The following AUTS2 variants were observed in gnomAD, a reference collection of about 807,000 sequenced individuals.
AUTS2 encodes the protein activator of transcription and developmental regulator AUTS2, also known as autism susceptibility gene 2 protein.
Under a neutral mutation model 112.4 loss-of-function variants are expected in AUTS2, and 17 were observed. That is an observed-to-expected ratio of 0.15 (90% CI 0.10 to 0.23). The LOEUF (loss-of-function observed/expected upper bound fraction) is 0.23, where lower values mean the gene tolerates loss of function less well. AUTS2 is among the 10% of genes least tolerant of loss of function. The probability of loss-of-function intolerance (pLI) is 1.00; values close to 1 mark genes in which losing one functional copy is unlikely to be tolerated. For missense variants in AUTS2, 1,510 were observed against 1,701.6 expected, an observed-to-expected ratio of 0.89 and a Z score of 1.98; for synonymous variants, 751 against 702.7, an observed-to-expected ratio of 1.07 and a Z score of -1.09.
chr7:69,652,546 A>G (rs1424747981), intron 1 of AUTS2, among the ~76,000 whole-genome samples: 1 of 151,398 alleles, frequency 6.6e-6, no homozygotes, highest in Non-Finnish European at 1.5e-5. Flanking sequence ...TTGAGTGTTT[A>G]TAGTTTTATT....
chr7:70,087,781 A>G (rs1334478446), intron 2 of AUTS2, among the ~76,000 whole-genome samples: 1 of 152,132 alleles, frequency 6.6e-6, no homozygotes, highest in African/African-American at 2.4e-5. Context: ...CAGTTTGTAT[A>G]GAATTTATAT....
intron 6 of AUTS2, among the ~76,000 whole-genome samples, chr7:70,727,116 T>C (rs924570290): frequency 6.6e-6 from 1 of 152,136 alleles, no homozygotes; most frequent in African/African-American, 2.4e-5. Context: ...ACCTCTGCAG[T>C]GTCTAAGGGG....
intron 4 of AUTS2, among the ~76,000 whole-genome samples, chr7:70,279,669 C>A (rs1376288420): frequency 6.6e-6 from 1 of 152,210 alleles, no homozygotes; most frequent in Non-Finnish European, 1.5e-5. Context: ...AATTACGGAA[C>A]TACTACATTT....
chr7:69,692,749 C>T (rs1006489485), intron 1 of AUTS2, among the ~76,000 whole-genome samples: 4 of 152,102 alleles, frequency 2.6e-5, no homozygotes, highest in Admixed American at 6.5e-5. Context: ...CTCTTTTGGC[C>T]CACGTCTTCT....
chr7:70,170,333 G>T (rs1251008686), intron 4 of AUTS2, among the ~76,000 whole-genome samples: 2 of 151,698 alleles, frequency 1.3e-5, no homozygotes, highest in Admixed American at 6.6e-5. Flanking sequence ...TTGTATTTTT[G>T]TAGTGTTGGG....
intron 1 of AUTS2, among the ~76,000 whole-genome samples, chr7:69,833,453 T>C (rs1791587441): frequency 6.6e-6 from 1 of 152,204 alleles, no homozygotes; most frequent in East Asian, 1.9e-4. Flanking sequence ...TTTTTTCTTT[T>C]GAGATGGAGT....
intron 4 of AUTS2, among the ~76,000 whole-genome samples, chr7:70,147,744 C>T (rs1807206621): frequency 6.6e-6 from 1 of 152,110 alleles, no homozygotes; most frequent in Admixed American, 6.6e-5. Flanking sequence ...TCTCCTATTG[C>T]ACTTTTAAAA....
chr7:69,803,995 G>A (rs534759155), intron 1 of AUTS2, among the ~76,000 whole-genome samples: 7 of 152,328 alleles, frequency 4.6e-5, no homozygotes, highest in African/African-American at 1.7e-4. Context: ...TTGCACCACA[G>A]CACTCTAGCC....
chr7:70,480,899 A>T (rs1320576503), intron 5 of AUTS2, among the ~76,000 whole-genome samples: 1 of 152,212 alleles, frequency 6.6e-6, no homozygotes, highest in Non-Finnish European at 1.5e-5. Context: ...TGAGTTACTC[A>T]GCTGGGGCAG....
chr7:70,044,939 T>C (rs532979375), intron 2 of AUTS2, among the ~76,000 whole-genome samples: 1 of 152,266 alleles, frequency 6.6e-6, no homozygotes, highest in Non-Finnish European at 1.5e-5. Flanking sequence ...CATGTTTTTT[T>C]TTTTTTTAAC....
chr7:70,040,688 GACA>G (rs370761822), intron 2 of AUTS2, among the ~76,000 whole-genome samples: 29 of 152,258 alleles, frequency 1.9e-4, no homozygotes, highest in African/African-American at 6.3e-4. Context: ...AAAGACTTAG[GACA>G]ACAACATGGC....
At chr7:69,835,586 T>C (rs1292652403) in intron 1 of AUTS2, among the ~76,000 whole-genome samples, 1 of 152,170 alleles carries the variant, frequency 6.6e-6, no homozygotes, top group Non-Finnish European at 1.5e-5. Flanking sequence ...ATAATAGATA[T>C]TGCAGGCCTT....
At chr7:70,206,341 T>C (rs749117780) in intron 4 of AUTS2, among the ~76,000 whole-genome samples, 9 of 152,062 alleles carry the variant, frequency 5.9e-5, no homozygotes, top group African/African-American at 1.9e-4. Flanking sequence ...CGTGGAGACA[T>C]GGAGAGACAG....
chr7:70,744,062 T>C (rs554213318), intron 6 of AUTS2, among the ~76,000 whole-genome samples: 34 of 152,030 alleles, frequency 2.2e-4, no homozygotes, highest in Admixed American at 7.9e-4. Context: ...CAAAAACATT[T>C]TCATATTGTT....
At chr7:70,226,208 G>A (rs1441647462) in intron 4 of AUTS2, among the ~76,000 whole-genome samples, 1 of 151,822 alleles carries the variant, frequency 6.6e-6, no homozygotes, top group African/African-American at 2.4e-5. Context: ...GTTTTTTTGA[G>A]AGGGAGTCTC....
At chr7:70,611,311 C>G (rs1237547752) in intron 5 of AUTS2, among the ~76,000 whole-genome samples, 2 of 152,142 alleles carry the variant, frequency 1.3e-5, no homozygotes, top group African/African-American at 4.8e-5. Context: ...AAGGGCATGC[C>G]CCCTTCACCC....
At chr7:70,074,236 A>G (rs1449205310) in intron 2 of AUTS2, among the ~76,000 whole-genome samples, 1 of 152,206 alleles carries the variant, frequency 6.6e-6, no homozygotes, top group African/African-American at 2.4e-5. Flanking sequence ...GAAAGAAGTA[A>G]CGGGTGGTGG....
chr7:69,998,340 C>T (rs1799038762), intron 2 of AUTS2, among the ~76,000 whole-genome samples: 1 of 151,990 alleles, frequency 6.6e-6, no homozygotes, highest in Non-Finnish European at 1.5e-5. Flanking sequence ...TGCCACCACA[C>T]ACCCAGCTAT....
intron 1 of AUTS2, among the ~76,000 whole-genome samples, chr7:69,851,115 T>C (rs942745550): frequency 6.6e-6 from 1 of 152,226 alleles, no homozygotes; most frequent in African/African-American, 2.4e-5. Context: ...TCTTCTAACA[T>C]TGAATTGCTT....
Sources: gnomAD v4.1 joint callset for allele counts (sites outside exome capture counted in the v4.1 genomes callset) on GRCh38, gnomAD v4.1.1 for gene constraint, MANE v1.5 for transcripts, NCBI Gene and HGNC (gene_info 2026-07-23, HGNC 2026-07-21) for gene names.